OSBPL3: variants seen among roughly 807,000 people sequenced by gnomAD.
OSBPL3 encodes oxysterol-binding protein-related protein 3.
Under a neutral mutation model 120.1 loss-of-function variants are expected in OSBPL3, and 65 were observed. The ratio of observed to expected loss-of-function variants is 0.54; its 90% CI spans 0.44 to 0.67. The LOEUF is 0.67. OSBPL3 is among the 30% of genes least tolerant of loss of function. The probability of loss-of-function intolerance (pLI) is 0.00; values close to 1 mark genes in which losing one functional copy is unlikely to be tolerated. For missense variants in OSBPL3, 1,004 were observed against 1,082.1 expected, an observed-to-expected ratio of 0.93 and a Z score of 1.01; for synonymous variants, 416 against 402.6, an observed-to-expected ratio of 1.03 and a Z score of -0.40.
intron 12 of OSBPL3, among the ~76,000 whole-genome samples, chr7:24,844,608 C>T (rs957447254): frequency 1.3e-5 from 2 of 152,186 alleles, no homozygotes; most frequent in Admixed American, 6.5e-5. Context: ...ATGCTATTTT[C>T]ATATCTCTAT....
chr7:24,833,322 T>G lies in OSBPL3; in HGVS notation c.1746+1164A>C, dbSNP rs945560520. On this transcript the variant is annotated intron_variant, in intron 15 of 22. Transcript: ENST00000313367. This position sits in a 1 kb window ranked among gnomAD's most constrained non-coding sequence, Gnocchi z 4.4. ...GTTCGAGGTTGCAGTGAGGTAGGAC[T>G]GCACCGCTGCACTCCAGCCTGGGTG... Among the ~76,000 whole-genome samples the G allele has an allele frequency of 4.6e-5, 7 of 152,258 alleles. No homozygotes were observed. In the South Asian group the frequency reaches 1.5e-3, roughly 32 times the overall value.
chr7:24,829,405 C>T (rs767640382), intron 16 of OSBPL3, among the ~76,000 whole-genome samples: 5 of 152,268 alleles, frequency 3.3e-5, no homozygotes, highest in East Asian at 1.9e-4. Flanking sequence ...CTTTGGGTTA[C>T]TGTATATTCA....
Position 24,922,602 on chromosome 7 carries a change from T to C in OSBPL3, c.-149-29981A>G, listed in dbSNP as rs1284985487. On this transcript the variant is annotated intron_variant, in intron 1 of 22. Coordinates refer to ENST00000313367, the MANE Select transcript of OSBPL3 (RefSeq NM_015550.4). This position sits in a 1 kb window ranked among gnomAD's most constrained non-coding sequence, Gnocchi z 4.3. ...AATGCCAGGCTGCTCTCCCTAACCT[T>C]TCCTCCATTTCCTTATGCCCTCTTC... Among the ~76,000 whole-genome samples, 1 of 152,176 alleles carries C rather than the reference T, an allele frequency of 6.6e-6. No individual in the cohort carries two copies. The highest frequency in any genetic ancestry group is 1.5e-5 in the Non-Finnish European group (1 of 68,024).
chr7:24,856,052 AGT>A lies in OSBPL3; in HGVS notation c.1028-3420_1028-3419del, dbSNP rs1010900900. On this transcript the variant is annotated intron_variant, in intron 10 of 22. Transcript: ENST00000313367. ...TTCCTGCTGCTAAGACATTTGCCTC[AGT>A]GTCTCTTCACTGTCAAAGAGGAGGT... Among the ~76,000 whole-genome samples the A allele has an allele frequency of 2.8e-4, 43 of 152,282 alleles. 1 individual carries two copies. Among genetic ancestry groups the A allele is most frequent in the Admixed American group, 1.3e-4 (2 of 15,302 alleles).
At chr7:24,927,685 A>C (rs1811232155) in intron 1 of OSBPL3, among the ~76,000 whole-genome samples, 2 of 152,164 alleles carry the variant, frequency 1.3e-5, no homozygotes, top group Non-Finnish European at 2.9e-5. Flanking sequence ...ACAAGTGGTA[A>C]GGGCATAATA....
In OSBPL3 at chr7:24,849,215, G is replaced by A. The variant is rs1798830886; in HGVS notation, c.1159-39C>T. 2 of 1,502,316 alleles carry A rather than the reference G, an allele frequency of 1.3e-6. No homozygotes were observed. Among genetic ancestry groups the A allele is most frequent in the African/African-American group, 1.4e-5 (1 of 72,674 alleles). The allele number at this position is 1,502,316 out of a possible 1,614,324, so 93.1% of individuals were successfully genotyped here. ...AAATAGTGGGGCTCTGTTAATAAAT[G>A]GATGTTTCAGAAAAGCACAGCAGTG... On this transcript the variant is annotated intron_variant, in intron 11 of 22. Transcript: ENST00000313367. This position sits in a 1 kb window ranked among gnomAD's most constrained non-coding sequence, Gnocchi z 5.4.
chr7:24,909,248 G>A (rs1808417549), intron 1 of OSBPL3, among the ~76,000 whole-genome samples: 1 of 152,122 alleles, frequency 6.6e-6, no homozygotes, highest in Non-Finnish European at 1.5e-5. Context: ...TTTTAATGTG[G>A]TTCATGGGCA....
At chr7:24,864,048 C>A (rs62449858) in intron 7 of OSBPL3, among the ~76,000 whole-genome samples, 9,558 of 152,232 alleles carry the variant, frequency 0.063, 415 homozygotes, top group Non-Finnish European at 0.098. Context: ...CTGACACCAT[C>A]CACTTGTCAG....
chr7:24,850,818 C>T (rs994259297), intron 11 of OSBPL3, among the ~76,000 whole-genome samples: 2 of 152,244 alleles, frequency 1.3e-5, no homozygotes, highest in Admixed American at 6.5e-5. Context: ...CATACAGCAC[C>T]GACATACCCA....
chr7:24,925,016 T>C (rs1562975655), intron 1 of OSBPL3, among the ~76,000 whole-genome samples: 1 of 152,228 alleles, frequency 6.6e-6, no homozygotes, highest in Non-Finnish European at 1.5e-5. Flanking sequence ...TATATGTCGT[T>C]CTGCTCTTTG....
chr7:24,878,063 G>GA (rs536689078), intron 2 of OSBPL3, among the ~76,000 whole-genome samples: 52 of 152,308 alleles, frequency 3.4e-4, no homozygotes, highest in African/African-American at 1.2e-3. Flanking sequence ...CTGAATGTCT[G>GA]AAAAGTGCCA....
intron 5 of OSBPL3, 30 bp from the exon 6 acceptor site, chr7:24,866,267 C>T (rs1584433808): frequency 1.3e-6 from 2 of 1,498,276 alleles, no homozygotes; most frequent in Non-Finnish European, 1.9e-6. Context: ...AAAAAGGAAA[C>T]AAGAGAATCA....
rs978672772 is a variant in OSBPL3 at position 24,806,605 on chromosome 7, G to C, written c.2444+171C>G. ...AAGGCCATGCCACACATGGATCCTAGTTGGGCCCCATCTCCTCCGTGATAC... is the reference window on the plus strand; with the variant it reads ...AAGGCCATGCCACACATGGATCCTACTTGGGCCCCATCTCCTCCGTGATAC... On this transcript the variant is annotated intron_variant, in intron 21 of 22. Coordinates refer to ENST00000313367, the MANE Select transcript of OSBPL3 (RefSeq NM_015550.4). The surrounding 1 kb of genome is among the most constrained non-coding windows in gnomAD (Gnocchi z 5.2). Among the ~76,000 whole-genome samples the C allele has an allele frequency of 2.0e-5, 3 of 152,186 alleles. No homozygotes were observed. The highest frequency in any genetic ancestry group is 7.2e-5 in the African/African-American group (3 of 41,432).
chr7:24,958,271 G>C (rs1009727122), intron 1 of OSBPL3, among the ~76,000 whole-genome samples: 5 of 152,086 alleles, frequency 3.3e-5, no homozygotes, highest in African/African-American at 1.2e-4. Context: ...CAGTCAATAG[G>C]ATAGTAAAAA....
In OSBPL3 at chr7:24,916,576, TCA is replaced by T. The variant is rs886442826; in HGVS notation, c.-149-23957_-149-23956del. Among the ~76,000 whole-genome samples, 2 of 152,028 alleles carry T rather than the reference TCA, an allele frequency of 1.3e-5. No individual in the cohort carries two copies. Among genetic ancestry groups the T allele is most frequent in the Non-Finnish European group, 2.9e-5 (2 of 67,996 alleles). Reference sequence around the variant, plus strand: ...TTATTTCCCCCAACACTCCCCAACCTCAGATTCTGACTCATATACCTCCATCA... The same window carrying T: ...TTATTTCCCCCAACACTCCCCAACCTGATTCTGACTCATATACCTCCATCA... On this transcript the variant is annotated intron_variant, in intron 1 of 22. Transcript: ENST00000313367. This position sits in a 1 kb window ranked among gnomAD's most constrained non-coding sequence, Gnocchi z 4.9.
At chr7:24,897,173 A>C (rs1016893903) in intron 1 of OSBPL3, among the ~76,000 whole-genome samples, 1 of 152,062 alleles carries the variant, frequency 6.6e-6, no homozygotes, top group African/African-American at 2.4e-5. Context: ...ATGAGGATAC[A>C]GTGTCTGGCT....
At chr7:24,810,998 G>C (rs2128118040) in intron 19 of OSBPL3, among the ~76,000 whole-genome samples, 2 of 152,308 alleles carry the variant, frequency 1.3e-5, no homozygotes, top group South Asian at 4.1e-4. Context: ...TGGAGATGCA[G>C]GTATCTCTTT....
chr7:24,849,301 G>A lies in OSBPL3; in HGVS notation c.1159-125C>T, dbSNP rs943527901. 3.9e-5 allele frequency: 25 copies of A among 644,350 alleles called. 1 individual carries two copies. The highest frequency in any genetic ancestry group is 2.7e-4 in the East Asian group (9 of 33,882). 39.9% of individuals were successfully genotyped at this position (644,350 alleles called of 1,614,324 possible). A position where few individuals can be genotyped will look rare whatever the true frequency, so the allele number is the denominator to read the frequency against. ...ACTCTTAGTGACGTGGTCTGACAGC[G>A]CACTTTCTGGACTTTTTCCTTGAAT... On this transcript the variant is annotated intron_variant, in intron 11 of 22. Coordinates refer to ENST00000313367, the MANE Select transcript of OSBPL3 (RefSeq NM_015550.4). The surrounding 1 kb of genome is among the most constrained non-coding windows in gnomAD (Gnocchi z 5.4).
At position 24,821,577 on chromosome 7, in the gene OSBPL3, C is replaced by T. The variant is rs533230856; in HGVS notation, c.1885-1339G>A. On this transcript the variant is annotated intron_variant, in intron 16 of 22. Coordinates refer to ENST00000313367, the MANE Select transcript of OSBPL3 (RefSeq NM_015550.4). The surrounding 1 kb of genome is among the most constrained non-coding windows in gnomAD (Gnocchi z 5.5). The stretch of plus-strand genomic sequence containing the variant: ...ACGGCTGGGAGGATGTGGTCACACA[C>T]GCCACACCCAGATGTGACTCATGGG... Among the ~76,000 whole-genome samples the T allele has an allele frequency of 1.3e-5, 2 of 152,260 alleles. No individual in the cohort carries two copies. Among genetic ancestry groups the T allele is most frequent in the South Asian group, 2.1e-4 (1 of 4,828 alleles).
Sources: allele counts gnomAD v4.1 joint callset (sites outside exome capture counted in the v4.1 genomes callset), GRCh38; gene constraint gnomAD v4.1.1; non-coding constraint Gnocchi (gnomAD v3.1); transcripts MANE v1.5; gene names NCBI Gene and HGNC (gene_info 2026-07-23, HGNC 2026-07-21).